Variants in CRYBG1 observed in about 807,000 individuals in gnomAD.
CRYBG1 encodes the protein beta/gamma crystallin domain-containing protein 1.
Under a neutral mutation model 189.2 loss-of-function variants are expected in CRYBG1, and 139 were observed. That is an observed-to-expected ratio of 0.73 (90% CI 0.64 to 0.85). CRYBG1 has a LOEUF of 0.85. Among genes scored for constraint, CRYBG1 ranks in the 40% least tolerant of loss-of-function variants. The probability of loss-of-function intolerance (pLI) is 0.00; values close to 1 mark genes in which losing one functional copy is unlikely to be tolerated. For synonymous variants in CRYBG1, 1,023 were observed against 1,017.1 expected (o/e 1.01, Z -0.11); for missense variants, 2,611 against 2,675.8 (o/e 0.98, Z 0.53).
At chr6:106,441,007 T>G (rs1300061549) in intron 1 of CRYBG1, among the ~76,000 whole-genome samples, 1 of 152,212 alleles carries the variant, frequency 6.6e-6, no homozygotes. Flanking sequence ...GAAATTGACT[T>G]TTAGGGGCTT....
intron 1 of CRYBG1, among the ~76,000 whole-genome samples, chr6:106,391,664 G>A (rs1025038088): frequency 2.0e-5 from 3 of 151,922 alleles, no homozygotes; most frequent in Non-Finnish European, 4.4e-5. Flanking sequence ...TTAAAGGACT[G>A]CCTTATTTGT....
chr6:106,501,746 ACTT>A (rs1314959825), intron 2 of CRYBG1, among the ~76,000 whole-genome samples: 1 of 152,222 alleles, frequency 6.6e-6, no homozygotes, highest in Admixed American at 6.5e-5. Context: ...TGTGAAATCT[ACTT>A]CTTAATTTGC....
intron 1 of CRYBG1, among the ~76,000 whole-genome samples, chr6:106,401,162 A>G (rs1042432520): frequency 2.6e-5 from 4 of 152,218 alleles, no homozygotes; most frequent in Non-Finnish European, 4.4e-5. Flanking sequence ...ATCTAAAATT[A>G]TGAAGATCCT....
intron 2 of CRYBG1, among the ~76,000 whole-genome samples, chr6:106,458,697 A>G (rs1771940758): frequency 6.6e-6 from 1 of 152,188 alleles, no homozygotes; most frequent in African/African-American, 2.4e-5. Flanking sequence ...GTAGAGCAGG[A>G]AATCTCACCA....
chr6:106,426,214 A>G (rs546278904), intron 1 of CRYBG1, among the ~76,000 whole-genome samples: 2 of 152,264 alleles, frequency 1.3e-5, no homozygotes, highest in African/African-American at 4.8e-5. Flanking sequence ...TTCATGTCTA[A>G]GTCAAGCCTT....
chr6:106,427,755 A>G (rs2114398903), intron 1 of CRYBG1, among the ~76,000 whole-genome samples: 1 of 152,244 alleles, frequency 6.6e-6, no homozygotes, highest in South Asian at 2.1e-4. Flanking sequence ...CCCTGCTCAA[A>G]ACCCTTCAGT....
intron 1 of CRYBG1, among the ~76,000 whole-genome samples, chr6:106,400,531 T>C (rs905686509): frequency 2.0e-5 from 3 of 152,154 alleles, no homozygotes; most frequent in African/African-American, 7.2e-5. Flanking sequence ...AGAAAATTTG[T>C]AAGTGTTATG....
chr6:106,483,384 A>G (rs918140412), intron 2 of CRYBG1, among the ~76,000 whole-genome samples: 5 of 115,160 alleles, frequency 4.3e-5, no homozygotes, highest in Non-Finnish European at 3.9e-5. Context: ...GTGTGTATAT[A>G]TATATAGATA....
At chr6:106,392,830 A>C (rs557574145) in intron 1 of CRYBG1, among the ~76,000 whole-genome samples, 1 of 152,164 alleles carries the variant, frequency 6.6e-6, no homozygotes, top group Non-Finnish European at 1.5e-5. Flanking sequence ...GCTGGAGTGC[A>C]GTGGCACGAT....
At chr6:106,477,380 G>A (rs1772353146) in intron 2 of CRYBG1, among the ~76,000 whole-genome samples, 1 of 152,190 alleles carries the variant, frequency 6.6e-6, no homozygotes, top group Admixed American at 6.5e-5. Flanking sequence ...TTTGCTTTGT[G>A]CTTTCAGTAG....
chr6:106,420,325 C>T (rs1345361694), intron 1 of CRYBG1, among the ~76,000 whole-genome samples: 5 of 152,124 alleles, frequency 3.3e-5, no homozygotes, highest in Non-Finnish European at 7.3e-5. Context: ...CAGATGGCTA[C>T]GTTCTTGCAG....
chr6:106,362,492 T>G (rs1439261028), intron 1 of CRYBG1, among the ~76,000 whole-genome samples: 1 of 151,948 alleles, frequency 6.6e-6, no homozygotes, highest in Non-Finnish European at 1.5e-5. Flanking sequence ...GGAGGATAGG[T>G]GAAGTGGCTT....
At chr6:106,509,820 C>A (rs539729513) in intron 2 of CRYBG1, among the ~76,000 whole-genome samples, 28 of 152,196 alleles carry the variant, frequency 1.8e-4, no homozygotes, top group African/African-American at 6.7e-4. Context: ...CCTCTCCCCC[C>A]CACCCCAATT....
chr6:106,458,365 C>T (rs1771932704), intron 2 of CRYBG1, among the ~76,000 whole-genome samples: 1 of 152,186 alleles, frequency 6.6e-6, no homozygotes, highest in Non-Finnish European at 1.5e-5. Context: ...TTCTACTCGT[C>T]CTTTAAGATC....
At chr6:106,536,385 CA>C (rs1774004728) in intron 8 of CRYBG1, among the ~76,000 whole-genome samples, 1 of 152,218 alleles carries the variant, frequency 6.6e-6, no homozygotes, top group South Asian at 2.1e-4. Flanking sequence ...TGTAAAGGTT[CA>C]TTTTCCCCTT....
At chr6:106,395,355 A>G (rs1479950345) in intron 1 of CRYBG1, among the ~76,000 whole-genome samples, 1 of 150,206 alleles carries the variant, frequency 6.7e-6, no homozygotes, top group East Asian at 1.9e-4. Flanking sequence ...TTAATTTCTG[A>G]TCTTATCTTT....
intron 8 of CRYBG1, among the ~76,000 whole-genome samples, chr6:106,531,022 A>G (rs1227033297): frequency 6.6e-6 from 1 of 152,230 alleles, no homozygotes. Context: ...GTGGTAATGT[A>G]TATAATTTAT....
chr6:106,520,094 C>T lies in CRYBG1; in HGVS notation c.2886C>T (p.Leu962=), dbSNP rs150035284. The change falls in exon 4 of 22, where the codon CTC becomes CTT. Residue 962 remains leucine (L), a synonymous_variant. Transcript: ENST00000633556. ...TCGTCCAGGTCAGGTCCTTCGTGCT[C>T]CCCGTGGAGAGCACCCAGGATGTGA... is the stretch of plus-strand genomic sequence containing the variant. ...RVLVQVRSFV[L]PVESTQDVSS... 1.3e-4 allele frequency: 203 copies of T among 1,614,138 alleles called. No homozygotes were observed. The African/African-American group carries it at 2.4e-3, about 19-fold the overall frequency.
At chr6:106,516,134 A>G (rs1238063178) in intron 3 of CRYBG1, among the ~76,000 whole-genome samples, 1 of 152,008 alleles carries the variant, frequency 6.6e-6, no homozygotes, top group Non-Finnish European at 1.5e-5. Context: ...TAAAATCTGA[A>G]TTCTCAGTGC....
Sources: gnomAD v4.1 joint callset for allele counts (sites outside exome capture counted in the v4.1 genomes callset) on GRCh38, gnomAD v4.1.1 for gene constraint, MANE v1.5 for transcripts, NCBI Gene and HGNC (gene_info 2026-07-23, HGNC 2026-07-21) for gene names.